Variants in SOX6 observed in about 807,000 individuals in gnomAD.
SOX6 encodes the protein transcription factor SOX-6.
SOX6 carries 11 observed loss-of-function variants against 97.8 expected under a neutral mutation model. The ratio of observed to expected loss-of-function variants is 0.11; its 90% CI spans 0.07 to 0.19. The LOEUF (loss-of-function observed/expected upper bound fraction) is 0.19, where lower values mean the gene tolerates loss of function less well. SOX6 is among the 10% of genes least tolerant of loss of function. The pLI is 1.00. For synonymous variants in SOX6, 360 were observed against 371.4 expected, an observed-to-expected ratio of 0.97 and a Z score of 0.35; for missense variants, 810 against 1,039.5, an observed-to-expected ratio of 0.78 and a Z score of 3.04.
intron 3 of SOX6, among the ~76,000 whole-genome samples, chr11:16,247,225 G>C (rs1205183847): frequency 6.6e-6 from 1 of 152,056 alleles, no homozygotes; most frequent in Non-Finnish European, 1.5e-5. Context: ...CCATGTTGTT[G>C]TAAACAACAA....
intron 1 of SOX6, among the ~76,000 whole-genome samples, chr11:16,392,514 G>A (rs567049845): frequency 4.6e-5 from 7 of 152,240 alleles, no homozygotes; most frequent in Admixed American, 1.3e-4. Context: ...TGTGCCAGAA[G>A]ATCAGAAGCT....
chr11:16,113,764 C>A (rs957757584), intron 6 of SOX6, among the ~76,000 whole-genome samples: 7 of 152,100 alleles, frequency 4.6e-5, no homozygotes, highest in African/African-American at 9.7e-5. Flanking sequence ...TTTATTATTT[C>A]TTTCATTTCA....
chr11:16,648,120 G>T (rs761354811), intron 3 of SOX6, among the ~76,000 whole-genome samples: 58 of 152,154 alleles, frequency 3.8e-4, no homozygotes, highest in Admixed American at 3.3e-3. Flanking sequence ...AGGTCTGAAA[G>T]CCAGGTTGTT....
intron 6 of SOX6, among the ~76,000 whole-genome samples, chr11:16,123,891 C>G (rs1343949274): frequency 6.6e-6 from 1 of 152,082 alleles, no homozygotes; most frequent in Non-Finnish European, 1.5e-5. Flanking sequence ...GCCTAGGCTG[C>G]CTCTCCACAA....
intron 3 of SOX6, among the ~76,000 whole-genome samples, chr11:16,638,858 A>G (rs1252023926): frequency 6.6e-6 from 1 of 152,082 alleles, no homozygotes; most frequent in East Asian, 1.9e-4. Flanking sequence ...ATTTTCTCCC[A>G]TTCTGTAGGT....
intron 4 of SOX6, among the ~76,000 whole-genome samples, chr11:16,202,350 A>T (rs1049886189): frequency 1.3e-5 from 2 of 152,166 alleles, no homozygotes; most frequent in Non-Finnish European, 2.9e-5. Context: ...TGTAGCATAA[A>T]AATCGTAAAG....
chr11:16,353,633 A>G (rs1857004536), intron 1 of SOX6, among the ~76,000 whole-genome samples: 1 of 152,060 alleles, frequency 6.6e-6, no homozygotes, highest in African/African-American at 2.4e-5. Flanking sequence ...TGCTGGAATT[A>G]TCATAAACAG....
chr11:16,683,599 G>T (rs968677383), intron 3 of SOX6, among the ~76,000 whole-genome samples: 28 of 152,300 alleles, frequency 1.8e-4, no homozygotes, highest in African/African-American at 6.5e-4. Context: ...ATGGATTAAA[G>T]ACTTAAATGT....
At chr11:16,414,645 G>T (rs745434385) in intron 1 of SOX6, among the ~76,000 whole-genome samples, 3 of 152,080 alleles carry the variant, frequency 2.0e-5, no homozygotes, top group Admixed American at 2.0e-4. Flanking sequence ...AAGATAAATT[G>T]TGACAAGAAC....
At chr11:16,440,521 T>C (rs1859483738) in intron 1 of SOX6, among the ~76,000 whole-genome samples, 1 of 152,160 alleles carries the variant, frequency 6.6e-6, no homozygotes, top group Non-Finnish European at 1.5e-5. Flanking sequence ...AGCCAGACAC[T>C]GTGTATCTGA....
At chr11:16,373,268 T>C (rs1225659671) in intron 1 of SOX6, among the ~76,000 whole-genome samples, 1 of 152,090 alleles carries the variant, frequency 6.6e-6, no homozygotes. Context: ...TGCAGTTCTA[T>C]ATGTCTACAA....
chr11:16,142,407 C>T (rs1037107305), intron 6 of SOX6, among the ~76,000 whole-genome samples: 2 of 152,164 alleles, frequency 1.3e-5, no homozygotes, highest in African/African-American at 4.8e-5. Flanking sequence ...GGGGGAAAAA[C>T]AGAGCAGAAA....
At chr11:16,128,658 C>A (rs1433099450) in intron 6 of SOX6, among the ~76,000 whole-genome samples, 1 of 152,012 alleles carries the variant, frequency 6.6e-6, no homozygotes, top group Non-Finnish European at 1.5e-5. Flanking sequence ...CTCTAGTGAG[C>A]TTTTTCTGAA....
chr11:16,151,478 C>A (rs922013602), intron 6 of SOX6, among the ~76,000 whole-genome samples: 1 of 152,030 alleles, frequency 6.6e-6, no homozygotes, highest in Non-Finnish European at 1.5e-5. Flanking sequence ...TGACACAATC[C>A]CTGCAGACAC....
In SOX6 at chr11:16,341,187, G is replaced by A. The variant is rs770132026; in HGVS notation, c.62C>T (p.Thr21Ile). Residue 21 changes from threonine (T) to isoleucine (I), a missense_variant, in exon 2 of 16, where the codon ACC (threonine) becomes ATC (isoleucine). By Grantham distance (89) the Thr-to-Ile change is moderately conservative. This residue lies in a region of SOX6 where 100 missense variants were observed against 94.6 expected (regional missense o/e 1.06). Transcript: ENST00000683767. ...CTTTTCCCTTGAGGTTAAATCCTGGGTCATTGCATCCTCTCCATCAGCTGC... is the reference window on the plus strand; with the variant it reads ...CTTTTCCCTTGAGGTTAAATCCTGGATCATTGCATCCTCTCCATCAGCTGC... ...ACAADGEDAM[T>I]QDLTSREKEE... 1 of 1,613,482 alleles carries A rather than the reference G, an allele frequency of 6.2e-7. No homozygotes were observed. Among genetic ancestry groups the A allele is most frequent in the South Asian group, 1.1e-5 (1 of 91,070 alleles).
chr11:16,041,861 A>G lies in SOX6; in HGVS notation c.1623+4653T>C, dbSNP rs1855678215. 4.6e-5 allele frequency among the ~76,000 whole-genome samples: 7 copies of G among 152,186 alleles called. No individual in the cohort carries two copies. In the South Asian group the frequency reaches 1.4e-3, roughly 31 times the overall value. ...TGTAAGAAGCTGCCTGTTAGAATCT[A>G]ACTAGCCTTTTTTTCTCTTTTAAGA... On this transcript the variant is annotated intron_variant, in intron 12 of 15. Transcript: ENST00000683767.
At chr11:16,537,203 C>T (rs571047562) in intron 4 of SOX6, among the ~76,000 whole-genome samples, 10 of 152,276 alleles carry the variant, frequency 6.6e-5, no homozygotes, top group Admixed American at 3.9e-4. Context: ...AGTGGACCTC[C>T]GGCGAACTCC....
chr11:16,628,780 C>T (rs1023250793), intron 3 of SOX6, among the ~76,000 whole-genome samples: 1 of 152,094 alleles, frequency 6.6e-6, no homozygotes, highest in African/African-American at 2.4e-5. Flanking sequence ...CCATTTGTGT[C>T]ATCTATGATT....
At chr11:16,451,822 C>T (rs1392846956) in intron 1 of SOX6, among the ~76,000 whole-genome samples, 5 of 151,732 alleles carry the variant, frequency 3.3e-5, no homozygotes, top group Admixed American at 2.0e-4. Context: ...TTGCTTGAGC[C>T]CAGGAGTTCG....
Sources: allele counts gnomAD v4.1 joint callset (sites outside exome capture counted in the v4.1 genomes callset), GRCh38; gene constraint gnomAD v4.1.1; regional missense constraint gnomAD v4.1.1; transcripts MANE v1.5; gene names NCBI Gene and HGNC (gene_info 2026-07-23, HGNC 2026-07-21).